Variants in SLC39A10 observed in about 807,000 individuals in gnomAD.
The protein encoded by SLC39A10 is zinc transporter ZIP10.
SLC39A10 carries 13 observed loss-of-function variants against 65.1 expected under a neutral mutation model. The observed-to-expected ratio is 0.20, with a 90% CI of 0.13 to 0.32. The LOEUF is 0.32. Among genes scored for constraint, SLC39A10 ranks in the 10% least tolerant of loss-of-function variants. The pLI, the probability that SLC39A10 is intolerant of heterozygous loss-of-function variation, is 1.00. For synonymous variants in SLC39A10, 321 were observed against 342.2 expected (o/e 0.94, Z 0.68); for missense variants, 831 against 1,018.4 (o/e 0.82, Z 2.50).
chr2:195,656,923 C>T (rs1574226938), upstream of SLC39A10: 1 of 152,398 alleles, frequency 6.6e-6, no homozygotes, highest in East Asian at 1.9e-4. Context: ...GGCGTTCTTT[C>T]TTGGAACAAA....
chr2:195,684,438 TTC>T (rs1329988964), intron 3 of SLC39A10, among the ~76,000 whole-genome samples: 1 of 152,086 alleles, frequency 6.6e-6, no homozygotes. Context: ...ATTTTTAAAT[TTC>T]TCTTAGGCTC....
intron 3 of SLC39A10, among the ~76,000 whole-genome samples, chr2:195,688,274 C>T (rs1333642789): frequency 6.6e-6 from 1 of 152,110 alleles, no homozygotes; most frequent in Non-Finnish European, 1.5e-5. Flanking sequence ...AAAAGCACAA[C>T]AATTTGGTTA....
chr2:195,680,732 A>G lies in SLC39A10; in HGVS notation c.690A>G (p.Lys230=), dbSNP rs1327536220. 1 of 1,614,180 alleles carries G rather than the reference A, an allele frequency of 6.2e-7. No individual in the cohort carries two copies. Among genetic ancestry groups the G allele is most frequent in the East Asian group, 2.2e-5 (1 of 44,888 alleles). The change falls in exon 2 of 10, where the codon AAA becomes AAG. Residue 230 remains lysine, a synonymous_variant. Transcript: ENST00000359634. ...AACAATCTGATGTTAAACTACCGAA[A>G]GGAAAGAGGAAGAAAAAAGGGAGGA... ...TQEQSDVKLP[K]GKRKKKGRKS...
chr2:195,674,260 C>T (rs1284939308), intron 1 of SLC39A10, among the ~76,000 whole-genome samples: 2 of 151,996 alleles, frequency 1.3e-5, no homozygotes, highest in African/African-American at 4.8e-5. Context: ...AATGGTTACA[C>T]AGCTGACCAC....
chr2:195,649,979 GA>G (rs968107194), intron 2 of SLC39A10, among the ~76,000 whole-genome samples: 1 of 152,016 alleles, frequency 6.6e-6, no homozygotes, highest in African/African-American at 2.4e-5. Context: ...TTCCTCTTTA[GA>G]AAAAACCTAA....
rs540334554 is a variant in SLC39A10 at position 195,718,487 on chromosome 2, G to GA, written c.2146+165dup. 1.5e-3 allele frequency among the ~76,000 whole-genome samples: 216 copies of GA among 147,826 alleles called. 1 individual carries two copies. Among genetic ancestry groups the GA allele is most frequent in the Middle Eastern group, 0.01 (3 of 288 alleles). ...AAGATACTTCATGATGTTAAAATATGAAAAAAAAAATGCTCCTTAAGATTG... is the reference window on the plus strand; with the variant it reads ...AAGATACTTCATGATGTTAAAATATGAAAAAAAAAAATGCTCCTTAAGATTG... On this transcript the variant is annotated intron_variant, in intron 8 of 9. Coordinates refer to ENST00000359634, the MANE Select transcript of SLC39A10 (RefSeq NM_020342.3).
intron 2 of SLC39A10, among the ~76,000 whole-genome samples, chr2:195,635,108 G>A (rs1196752989): frequency 6.6e-6 from 1 of 152,090 alleles, no homozygotes; most frequent in African/African-American, 2.4e-5. Context: ...ACATCAATTT[G>A]CCCAGATGTT....
At chr2:195,703,006 C>G (rs1039214923) in intron 3 of SLC39A10, among the ~76,000 whole-genome samples, 1 of 152,152 alleles carries the variant, frequency 6.6e-6, no homozygotes, top group African/African-American at 2.4e-5. Flanking sequence ...TGGGAAAATG[C>G]TGCATATTGT....
upstream of SLC39A10, among the ~76,000 whole-genome samples, chr2:195,655,937 G>T (rs561815891): frequency 9.2e-5 from 14 of 152,252 alleles, no homozygotes; most frequent in South Asian, 2.9e-3. Flanking sequence ...CTACCTAGCC[G>T]TCCATACTGA....
intron 1 of SLC39A10, among the ~76,000 whole-genome samples, chr2:195,676,736 G>C (rs1331028763): frequency 6.6e-6 from 1 of 152,134 alleles, no homozygotes; most frequent in Non-Finnish European, 1.5e-5. Flanking sequence ...CTAATCTTCT[G>C]AATTGTCTTG....
chr2:195,616,109 C>T (rs1028300501), intron 2 of SLC39A10, among the ~76,000 whole-genome samples: 2 of 152,180 alleles, frequency 1.3e-5, no homozygotes, highest in East Asian at 1.9e-4. Context: ...GCATAAGCCA[C>T]CAGTCCGGCT....
In SLC39A10 at chr2:195,626,399, A is replaced by G. The variant is rs75060878; in HGVS notation, c.-12+20166A>G. On this transcript the variant is annotated intron_variant, in intron 2 of 2. Coordinates refer to the SLC39A10 transcript ENST00000458054. ...CAGATTCAGATTGTCAGACCCTGAC[A>G]GCAATGAATTCAATCCTGTCTTGAT... is the stretch of plus-strand genomic sequence containing the variant. 9.3e-3 allele frequency among the ~76,000 whole-genome samples: 1,411 copies of G among 152,338 alleles called. 4 individuals are homozygous for G. The highest frequency in any genetic ancestry group is 0.024 in the Middle Eastern group (7 of 294).
At chr2:195,617,735 T>TTTTA (rs1362662643) in intron 2 of SLC39A10, among the ~76,000 whole-genome samples, 4 of 140,536 alleles carry the variant, frequency 2.8e-5, no homozygotes, top group Non-Finnish European at 6.3e-5. Context: ...TTTTATTTTA[T>TTTTA]TTTATTTTAC....
chr2:195,686,906 T>C (rs967963106), intron 3 of SLC39A10, among the ~76,000 whole-genome samples: 7 of 152,258 alleles, frequency 4.6e-5, no homozygotes, highest in African/African-American at 1.7e-4. Context: ...GCCAGTTTTA[T>C]AGAATTATTT....
intron 2 of SLC39A10, among the ~76,000 whole-genome samples, chr2:195,635,748 T>C (rs1305892794): frequency 6.8e-6 from 1 of 148,044 alleles, no homozygotes; most frequent in Non-Finnish European, 1.5e-5. Flanking sequence ...AAAGAAAATA[T>C]GGTTATGTAG....
intron 2 of SLC39A10, 71 bp from the exon 3 acceptor site, chr2:195,683,628 A>G: frequency 9.1e-7 from 1 of 1,098,272 alleles, no homozygotes; most frequent in Non-Finnish European, 1.4e-6. Flanking sequence ...TTTCTTAGGC[A>G]GTAATTTATT....
At chr2:195,717,661 C>T (rs1225455609) in intron 7 of SLC39A10, among the ~76,000 whole-genome samples, 1 of 152,036 alleles carries the variant, frequency 6.6e-6, no homozygotes, top group Non-Finnish European at 1.5e-5. Flanking sequence ...CTCAAGCAAC[C>T]CTTCTGCCTC....
At chr2:195,625,222 A>AAAGAAAGAAAGAAAGAAG (rs1688443563) in intron 2 of SLC39A10, among the ~76,000 whole-genome samples, 1 of 112,184 alleles carries the variant, frequency 8.9e-6, no homozygotes, top group African/African-American at 3.1e-5. Flanking sequence ...GTCTCAAAAA[A>AAAGAAAGAAAGAAAGAAG]AAAGAAAGAA....
chr2:195,677,552 A>C (rs564075649), intron 1 of SLC39A10, among the ~76,000 whole-genome samples: 1,763 of 151,374 alleles, frequency 0.012, 40 homozygotes, highest in African/African-American at 0.041. Context: ...ACAAAAAAAA[A>C]TCCACAAAGT....
Sources: allele counts gnomAD v4.1 joint callset (sites outside exome capture counted in the v4.1 genomes callset), GRCh38; gene constraint gnomAD v4.1.1; transcripts MANE v1.5; gene names NCBI Gene and HGNC (gene_info 2026-07-23, HGNC 2026-07-21).